The following HIRA variants were observed in gnomAD, a reference collection of about 807,000 sequenced individuals.
The protein encoded by HIRA is histone cell cycle regulator.
In HIRA, 13 loss-of-function variants were observed where a neutral mutation model predicts 126.6. The observed-to-expected ratio is 0.10, with a 90% CI of 0.07 to 0.16. The LOEUF (loss-of-function observed/expected upper bound fraction) is 0.16, where lower values mean the gene tolerates loss of function less well. HIRA is among the 10% of genes least tolerant of loss of function. The pLI is 1.00. For missense variants in HIRA, 834 were observed against 1,314.4 expected (o/e 0.63, Z 5.65); for synonymous variants, 511 against 520.0 (o/e 0.98, Z 0.24).
intron 24 of HIRA, among the ~76,000 whole-genome samples, chr22:19,346,000 C>T (rs2088682551): frequency 6.6e-6 from 1 of 152,166 alleles, no homozygotes; most frequent in African/African-American, 2.4e-5. Context: ...TTCCTACAAA[C>T]CATTGAGAAA....
At chr22:19,418,189 T>G (rs532635291) in intron 1 of HIRA, among the ~76,000 whole-genome samples, 68 of 152,314 alleles carry the variant, frequency 4.5e-4, no homozygotes, top group African/African-American at 1.6e-3. Context: ...AGTACTGAAT[T>G]ACATACTTAA....
chr22:19,375,722 T>C lies in HIRA; in HGVS notation c.1684A>G (p.Met562Val). ...VLTTPSKIEPMKAFDSRFTER... is the reference protein window; with the variant it reads ...VLTTPSKIEPVKAFDSRFTER... ...GTGAACCGGGAGTCAAACGCTTTCA[T>C]GGGTTCGATCTTGGACGGGGTCGTT... Residue 562 changes from methionine to valine, a missense_variant, in exon 15 of 25, where the codon ATG becomes GTG. Coordinates refer to ENST00000263208, the MANE Select transcript of HIRA (RefSeq NM_003325.4). The C allele has an allele frequency of 6.2e-7, 1 of 1,614,146 alleles. No individual in the cohort carries two copies. The highest frequency in any genetic ancestry group is 8.5e-7 in the Non-Finnish European group (1 of 1,180,032).
Position 19,431,519 on chromosome 22 carries a change from C to G in HIRA, c.-43G>C, listed in dbSNP as rs552977844. On this transcript the variant is annotated 5_prime_UTR_variant, in exon 1 of 25. Coordinates refer to ENST00000263208, the MANE Select transcript of HIRA (RefSeq NM_003325.4). ...CGCCGGGCTGAGGCGAGCGCCGGGTCCCTCAGCGCGCCCGGGCCATGGAGC... is the reference window on the plus strand; with the variant it reads ...CGCCGGGCTGAGGCGAGCGCCGGGTGCCTCAGCGCGCCCGGGCCATGGAGC... 1.2e-4 allele frequency: 185 copies of G among 1,527,998 alleles called. 3 individuals are homozygous for G. The South Asian group carries it at 2.0e-3, about 16-fold the overall frequency. The allele number at this position is 1,527,998 out of a possible 1,614,324, so 94.7% of individuals were successfully genotyped here.
At chr22:19,421,299 C>CA (rs35575540) in intron 1 of HIRA, among the ~76,000 whole-genome samples, 5,578 of 130,190 alleles carry the variant, frequency 0.043, 155 homozygotes, top group South Asian at 0.082. Context: ...AACTCCGTCT[C>CA]AAAAAAAAAA....
chr22:19,362,839 T>G (rs5993614), intron 15 of HIRA, among the ~76,000 whole-genome samples: 151,812 of 151,814 alleles, frequency 1, 75,905 homozygotes, highest in Non-Finnish European at 1. Context: ...GGGATTATGG[T>G]CGTGAGCCAC....
intron 9 of HIRA, among the ~76,000 whole-genome samples, chr22:19,390,851 C>T (rs919008599): frequency 3.9e-5 from 6 of 152,096 alleles, no homozygotes; most frequent in Admixed American, 3.3e-4. Context: ...AACTGCCAGA[C>T]AGTTTTCCCA....
chr22:19,401,836 C>T (rs1042268830), intron 5 of HIRA, among the ~76,000 whole-genome samples: 3 of 152,148 alleles, frequency 2.0e-5, no homozygotes, highest in African/African-American at 7.2e-5. Context: ...AGCCCTGAGA[C>T]CCCCATGGTA....
In HIRA at chr22:19,431,468, G is replaced by T; in HGVS notation, c.9C>A (p.Leu3=). The T allele has an allele frequency of 6.2e-7, 1 of 1,606,266 alleles. No homozygotes were observed. The change falls in exon 1 of 25, where the codon CTC becomes CTA. Residue 3 remains leucine (L), a synonymous_variant. Coordinates refer to ENST00000263208, the MANE Select transcript of HIRA (RefSeq NM_003325.4). Reference sequence around the variant, plus strand: ...TGTGGTTGACCCAGGTCGGCTTCAGGAGCTTCATTGTTCGGCCGCCGCCGC... The same window carrying T: ...TGTGGTTGACCCAGGTCGGCTTCAGTAGCTTCATTGTTCGGCCGCCGCCGC... MK[L]LKPTWVNHNG...
At chr22:19,340,685 C>T (rs2088617818) in intron 24 of HIRA, among the ~76,000 whole-genome samples, 1 of 152,142 alleles carries the variant, frequency 6.6e-6, no homozygotes, top group African/African-American at 2.4e-5. Flanking sequence ...GGTACAAAAT[C>T]AATGTACACA....
chr22:19,332,986 G>A (rs1466421252), intron 24 of HIRA, among the ~76,000 whole-genome samples: 3 of 152,176 alleles, frequency 2.0e-5, no homozygotes, highest in Non-Finnish European at 4.4e-5. Flanking sequence ...ACAGCTCGCT[G>A]CAGCCTCAAC....
chr22:19,350,610 T>G (rs547435479), intron 24 of HIRA, among the ~76,000 whole-genome samples: 43 of 152,274 alleles, frequency 2.8e-4, no homozygotes, highest in African/African-American at 9.6e-4. Context: ...GTCACCTTCA[T>G]CTCTTCCTGG....
intron 4 of HIRA, 85 bp downstream of exon 4, chr22:19,407,099 G>T: frequency 1.8e-6 from 2 of 1,103,330 alleles, no homozygotes; most frequent in South Asian, 1.3e-5. Flanking sequence ...GAACTTCAGT[G>T]ACAGGGTAGG....
At chr22:19,403,717 A>C (rs1256054431) in intron 5 of HIRA, among the ~76,000 whole-genome samples, 1 of 152,148 alleles carries the variant, frequency 6.6e-6, no homozygotes, top group Non-Finnish European at 1.5e-5. Context: ...TGCTTTTGTT[A>C]CATTATTTTT....
chr22:19,381,699 C>A (rs1045238103), intron 13 of HIRA, among the ~76,000 whole-genome samples: 1 of 152,188 alleles, frequency 6.6e-6, no homozygotes, highest in African/African-American at 2.4e-5. Flanking sequence ...TAGGATTTTG[C>A]ACTGACATTC....
At chr22:19,362,410 CTCTT>C (rs1375572107) in intron 15 of HIRA, among the ~76,000 whole-genome samples, 1 of 152,048 alleles carries the variant, frequency 6.6e-6, no homozygotes, top group Middle Eastern at 3.2e-3. Context: ...GAGTGGGGAA[CTCTT>C]TCTACTACCC....
At chr22:19,374,693 C>T (rs1938293841) in intron 15 of HIRA, among the ~76,000 whole-genome samples, 1 of 152,160 alleles carries the variant, frequency 6.6e-6, no homozygotes, top group Non-Finnish European at 1.5e-5. Context: ...CCATCTACTG[C>T]AAGGACAGGT....
intron 16 of HIRA, 26 bp from the exon 17 acceptor site, chr22:19,361,367 G>A: frequency 6.3e-7 from 1 of 1,594,118 alleles, no homozygotes; most frequent in Non-Finnish European, 8.6e-7. Flanking sequence ...ACGTTCCTGA[G>A]CCTTGCTCTA....
In HIRA at chr22:19,392,094, G is replaced by C. The variant is rs145774676; in HGVS notation, c.936+7C>G. The C allele has an allele frequency of 1.2e-3, 1,784 of 1,549,646 alleles. 17 individuals are homozygous for C. In the African/African-American group the frequency reaches 0.018, roughly 15 times the overall value. On this transcript the variant is annotated splice_region_variant and intron_variant, in intron 9 of 24. Transcript: ENST00000263208. Reference sequence around the variant, plus strand: ...CCTGCAACAAAAGCTCAGGATAGCAGGCTCACCCAGACAGAAAGCGAGCGG... The same window carrying C: ...CCTGCAACAAAAGCTCAGGATAGCACGCTCACCCAGACAGAAAGCGAGCGG...
chr22:19,383,471 G>A (rs2089095735), intron 13 of HIRA, 149 bp downstream of exon 13: 4 of 657,566 alleles, frequency 6.1e-6, no homozygotes, highest in East Asian at 2.7e-5. Flanking sequence ...TTGAGACTGC[G>A]GGAAGCTGAG....
Sources: allele counts gnomAD v4.1 joint callset (sites outside exome capture counted in the v4.1 genomes callset), GRCh38; gene constraint gnomAD v4.1.1; transcripts MANE v1.5; gene names NCBI Gene and HGNC (gene_info 2026-07-23, HGNC 2026-07-21).